The following TUSC3 variants were observed in gnomAD, a reference collection of about 807,000 sequenced individuals.
TUSC3 encodes dolichyl-diphosphooligosaccharide--protein glycosyltransferase subunit TUSC3.
In TUSC3, 45 loss-of-function variants were observed where a neutral mutation model predicts 44.8. The observed-to-expected ratio is 1.00, with a 90% CI of 0.79 to 1.29. The LOEUF is 1.29. Among genes scored for constraint, TUSC3 ranks in the 50% most tolerant of loss-of-function variants. The pLI, the probability that TUSC3 is intolerant of heterozygous loss-of-function variation, is 0.00. For missense variants in TUSC3, 519 were observed against 437.9 expected (o/e 1.19, Z -1.65); for synonymous variants, 212 against 152.9 (o/e 1.39, Z -2.85).
At chr8:15,574,893 C>A (rs565763515) in intron 1 of TUSC3, among the ~76,000 whole-genome samples, 2 of 152,062 alleles carry the variant, frequency 1.3e-5, no homozygotes, top group Non-Finnish European at 2.9e-5. Flanking sequence ...TTTATACTTT[C>A]AATTATAAGG....
chr8:15,465,351 C>A (rs1383765507), intron 1 of TUSC3, among the ~76,000 whole-genome samples: 1 of 152,084 alleles, frequency 6.6e-6, no homozygotes, highest in Non-Finnish European at 1.5e-5. Context: ...AAATTTAGCA[C>A]AAAGTAGGGA....
chr8:15,604,647 C>G (rs937521056), intron 1 of TUSC3, among the ~76,000 whole-genome samples: 2 of 151,636 alleles, frequency 1.3e-5, no homozygotes, highest in Non-Finnish European at 3.0e-5. Flanking sequence ...TAATTGTTTT[C>G]TAGTTAATGC....
chr8:15,832,471 C>G, the TUSC3 span, among the ~76,000 whole-genome samples: 2 of 152,082 alleles, frequency 1.3e-5, no homozygotes, highest in Admixed American at 1.3e-4. Context: ...ATGTCCCAAT[C>G]AAAAGACACA....
intron 1 of TUSC3, among the ~76,000 whole-genome samples, chr8:15,571,393 T>C (rs1802872685): frequency 6.6e-6 from 1 of 152,190 alleles, no homozygotes; most frequent in African/African-American, 2.4e-5. Flanking sequence ...GGTTTCTCAG[T>C]GCATTTAGAA....
chr8:15,565,095 C>G (rs573769232), intron 1 of TUSC3, among the ~76,000 whole-genome samples: 3 of 151,834 alleles, frequency 2.0e-5, no homozygotes, highest in South Asian at 4.2e-4. Context: ...GTGGGATGTC[C>G]AAGTCAGTCT....
chr8:15,656,533 G>A (rs369552240), intron 3 of TUSC3, among the ~76,000 whole-genome samples: 51 of 151,992 alleles, frequency 3.4e-4, no homozygotes, highest in African/African-American at 1.1e-3. Context: ...TTCATTCCAC[G>A]TCCCATCATC....
At chr8:15,744,771 T>C (rs1811334761) in intron 8 of TUSC3, among the ~76,000 whole-genome samples, 1 of 152,174 alleles carries the variant, frequency 6.6e-6, no homozygotes, top group South Asian at 2.1e-4. Flanking sequence ...GTCCTTAGGA[T>C]TGACAAATTA....
intron 9 of TUSC3, among the ~76,000 whole-genome samples, chr8:15,750,894 G>C (rs1225272928): frequency 1.3e-5 from 2 of 152,102 alleles, no homozygotes; most frequent in African/African-American, 4.8e-5. Flanking sequence ...TTTTTAGAGT[G>C]GTTTGTGAAT....
In TUSC3 at chr8:15,559,626, G is replaced by T. The variant is rs1802383238; in HGVS notation, c.138+19058G>T. Reference sequence around the variant, plus strand: ...GGTGCTAAAGTCTCCCATTATTAATGTGTGGGAGTCTAATTCTCTTTGTAG... The same window carrying T: ...GGTGCTAAAGTCTCCCATTATTAATTTGTGGGAGTCTAATTCTCTTTGTAG... On this transcript the variant is annotated intron_variant, in intron 1 of 10. Coordinates refer to ENST00000503731, the MANE Select transcript of TUSC3 (RefSeq NM_006765.4). Among the ~76,000 whole-genome samples the T allele has an allele frequency of 1.4e-5, 2 of 139,314 alleles. 1 individual carries two copies. The highest frequency in any genetic ancestry group is 3.2e-5 in the Non-Finnish European group (2 of 63,336). 91.4% of individuals were successfully genotyped at this position (139,314 alleles called of 152,430 possible).
At position 15,648,782 on chromosome 8, in the gene TUSC3, A is replaced by G. The variant is rs1806752367; in HGVS notation, c.309-1915A>G. Among the ~76,000 whole-genome samples, 5 of 149,202 alleles carry G rather than the reference A, an allele frequency of 3.4e-5. No individual in the cohort carries two copies. In the South Asian group the frequency reaches 1.1e-3, roughly 32 times the overall value. On this transcript the variant is annotated intron_variant, in intron 2 of 10. Coordinates refer to ENST00000503731, the MANE Select transcript of TUSC3 (RefSeq NM_006765.4). ...GACATCTCCTGTTGAACAAAGCATC[A>G]TCTTGTTATCACGTACCATAAAAAC...
At chr8:15,753,526 C>CAGTTTTCCATTTAAAA (rs1334060269) in intron 9 of TUSC3, among the ~76,000 whole-genome samples, 1 of 152,014 alleles carries the variant, frequency 6.6e-6, no homozygotes, top group Non-Finnish European at 1.5e-5. Flanking sequence ...AACAAAAAAC[C>CAGTTTTCCATTTAAAA]AGTTTTCCAT....
chr8:15,844,986 A>G, the TUSC3 span, among the ~76,000 whole-genome samples: 105,112 of 152,002 alleles, frequency 0.69, 36,793 homozygotes, highest in African/African-American at 0.74. Flanking sequence ...AGAAAACTTA[A>G]AAAAATACAA....
the TUSC3 span, among the ~76,000 whole-genome samples, chr8:15,785,183 C>T: frequency 1.3e-5 from 2 of 152,038 alleles, no homozygotes; most frequent in African/African-American, 4.8e-5. Context: ...TGAAGATATC[C>T]ATGTAACCAG....
At chr8:15,743,382 A>T (rs959139426) in intron 7 of TUSC3, 156 bp from the exon 8 acceptor site, 1 of 765,828 alleles carries the variant, frequency 1.3e-6, no homozygotes, top group African/African-American at 1.7e-5. Flanking sequence ...TTTGCTCACA[A>T]AGAATGGTAA....
At chr8:15,843,621 T>TATATATACACACACAC in the TUSC3 span, among the ~76,000 whole-genome samples, 740 of 146,742 alleles carry the variant, frequency 5.0e-3, 9 homozygotes, top group African/African-American at 0.018. Context: ...TATATATATA[T>TATATATACACACACAC]ACACGCACAT....
chr8:15,434,345 C>G lies in TUSC3; in HGVS notation n.91+17040C>G, dbSNP rs142353131. ...TCTTTAAGTAGTTTGGATACAAATT[C>G]TTTGTCAGATACATGTGTTCTGAAT... On this transcript the variant is annotated intron_variant and non_coding_transcript_variant, in intron 1 of 5. Coordinates refer to the TUSC3 transcript ENST00000503191. Among the ~76,000 whole-genome samples the G allele has an allele frequency of 5.1e-3, 769 of 152,130 alleles. 2 individuals are homozygous for G. Among genetic ancestry groups the G allele is most frequent in the Non-Finnish European group, 7.8e-3 (531 of 67,986 alleles).
intron 3 of TUSC3, among the ~76,000 whole-genome samples, chr8:15,655,067 G>C (rs1220662319): frequency 6.6e-6 from 1 of 152,166 alleles, no homozygotes; most frequent in Non-Finnish European, 1.5e-5. Flanking sequence ...TAGCTATGCA[G>C]ACATGAGCAG....
At chr8:15,471,101 T>G (rs1437253830) in intron 1 of TUSC3, among the ~76,000 whole-genome samples, 1 of 145,892 alleles carries the variant, frequency 6.9e-6, no homozygotes, top group Non-Finnish European at 1.5e-5. Context: ...GTTTACTAAC[T>G]GTGTGGTCAG....
intron 1 of TUSC3, among the ~76,000 whole-genome samples, chr8:15,621,125 C>G (rs1352758931): frequency 6.6e-6 from 1 of 151,986 alleles, no homozygotes; most frequent in African/African-American, 2.4e-5. Flanking sequence ...GATTTCCACT[C>G]TTTCCATAGA....
Sources: allele counts gnomAD v4.1 joint callset (sites outside exome capture counted in the v4.1 genomes callset), GRCh38; gene constraint gnomAD v4.1.1; transcripts MANE v1.5; gene names NCBI Gene and HGNC (gene_info 2026-07-23, HGNC 2026-07-21).